Variants in WDR45B observed in about 807,000 individuals in gnomAD.
The protein encoded by WDR45B is WD repeat domain phosphoinositide-interacting protein 3.
WDR45B carries 20 observed loss-of-function variants against 44.6 expected under a neutral mutation model. The ratio of observed to expected loss-of-function variants is 0.45; its 90% CI spans 0.32 to 0.65. The LOEUF (loss-of-function observed/expected upper bound fraction) is 0.65, where lower values mean the gene tolerates loss of function less well. Ranked by LOEUF, WDR45B falls within the 30% of genes least tolerant of loss-of-function variation. The pLI is 0.05. For synonymous variants in WDR45B, 169 were observed against 164.9 expected (o/e 1.02, Z -0.19); for missense variants, 323 against 430.2 (o/e 0.75, Z 2.20).
intron 2 of WDR45B, among the ~76,000 whole-genome samples, chr17:82,640,467 C>G (rs2045899916): frequency 6.6e-6 from 1 of 151,880 alleles, no homozygotes; most frequent in Non-Finnish European, 1.5e-5. Flanking sequence ...TCTCCTGCCT[C>G]AGCCTCCCGA....
intron 5 of WDR45B, among the ~76,000 whole-genome samples, chr17:82,622,690 C>T (rs2045634962): frequency 6.6e-6 from 1 of 152,084 alleles, no homozygotes; most frequent in African/African-American, 2.4e-5. Flanking sequence ...CCTTGGCCTC[C>T]CACAGTGCTG....
Position 82,630,932 on chromosome 17 carries a change from G to A in WDR45B, c.233C>T (p.Pro78Leu). ...CACAATTACAGTACCTTTGTTGGGA[G>A]GGTATTTCGGCTTTTTTCCACCACC... ...LVGGGKKPKY[P>L]PNKVMIWDDL... The change falls in exon 3 of 10, where the codon CCT (proline) becomes CTT (leucine). Residue 78 changes from proline (P) to leucine (L), a missense_variant. Pro to Leu is a moderately conservative substitution (Grantham distance 98). Transcript: ENST00000392325. The A allele has an allele frequency of 3.1e-6, 5 of 1,612,316 alleles. No homozygotes were observed. Among genetic ancestry groups the A allele is most frequent in the Non-Finnish European group, 4.2e-6 (5 of 1,179,932 alleles).
intron 7 of WDR45B, 137 bp from the exon 8 acceptor site, chr17:82,617,534 TC>T: frequency 1.2e-6 from 1 of 830,242 alleles, no homozygotes; most frequent in East Asian, 2.7e-5. Flanking sequence ...TACTGCCCTT[TC>T]TTTAACAAGC....
chr17:82,622,098 G>A (rs1008309631), intron 5 of WDR45B, among the ~76,000 whole-genome samples: 3 of 152,018 alleles, frequency 2.0e-5, no homozygotes, highest in Admixed American at 2.0e-4. Flanking sequence ...TTTACCAACT[G>A]TCCGTCCGTC....
At chr17:82,642,761 G>C (rs2045933320) in intron 2 of WDR45B, among the ~76,000 whole-genome samples, 1 of 152,192 alleles carries the variant, frequency 6.6e-6, no homozygotes, top group Non-Finnish European at 1.5e-5. Context: ...GAAGTCTTCT[G>C]TGCTGACAAC....
Position 82,635,925 on chromosome 17 carries a change from T to C in WDR45B, c.143-4903A>G, listed in dbSNP as rs141687465. The stretch of plus-strand genomic sequence containing the variant: ...CAACATGGAAAACCCCCGTCTCTAC[T>C]AAAAATACAAAACTTGCCAGGTGTG... On this transcript the variant is annotated intron_variant, in intron 2 of 9. Coordinates refer to ENST00000392325, the MANE Select transcript of WDR45B (RefSeq NM_019613.4). Among the ~76,000 whole-genome samples the C allele has an allele frequency of 6.1e-3, 928 of 151,608 alleles. 3 individuals carry two copies. The highest frequency in any genetic ancestry group is 0.017 in the Middle Eastern group (5 of 294).
chr17:82,647,255 A>G (rs531596549), intron 1 of WDR45B, among the ~76,000 whole-genome samples: 1 of 152,372 alleles, frequency 6.6e-6, no homozygotes, highest in Admixed American at 6.5e-5. Flanking sequence ...TTGTCTTCAC[A>G]TATACGGGAT....
At chr17:82,637,522 G>C (rs2045848365) in intron 2 of WDR45B, among the ~76,000 whole-genome samples, 1 of 151,910 alleles carries the variant, frequency 6.6e-6, no homozygotes, top group African/African-American at 2.4e-5. Flanking sequence ...ACAGGTTGAA[G>C]GCTCAGTCCC....
rs1226875963 is a variant in WDR45B, at chr17:82,632,258, C to T, written c.143-1236G>A. Among the ~76,000 whole-genome samples, 4 of 151,934 alleles carry T rather than the reference C, an allele frequency of 2.6e-5. No individual in the cohort carries two copies. In the East Asian group the frequency reaches 7.7e-4, roughly 29 times the overall value. On this transcript the variant is annotated intron_variant, in intron 2 of 9. Coordinates refer to ENST00000392325, the MANE Select transcript of WDR45B (RefSeq NM_019613.4). ...CTCACTACAGCCTCAAACTCCCGGG[C>T]TCAAGGACTCCTCCTGCTTCAGCCT...
chr17:82,616,732 C>T (rs1333234496), intron 8 of WDR45B, 87 bp from the exon 9 acceptor site: 7 of 1,539,602 alleles, frequency 4.5e-6, no homozygotes, highest in South Asian at 2.3e-5. Flanking sequence ...GCTGAAAATA[C>T]GAAAATGCTC....
chr17:82,630,426 G>A (rs995005931), intron 3 of WDR45B, among the ~76,000 whole-genome samples: 3 of 151,972 alleles, frequency 2.0e-5, no homozygotes, highest in African/African-American at 4.8e-5. Context: ...CGGCTGTCAG[G>A]AAAGCTATCT....
In WDR45B at chr17:82,626,533, C is replaced by CAAAAAAAAA. The variant is rs562186058; in HGVS notation, c.332+662_332+670dup. 2.2e-3 allele frequency among the ~76,000 whole-genome samples: 177 copies of CAAAAAAAAA among 79,426 alleles called. 14 individuals carry two copies. The highest frequency in any genetic ancestry group is 0.012 in the African/African-American group (162 of 13,650). The allele number at this position is 79,426 out of a possible 152,430, so 52.1% of individuals were successfully genotyped here. On this transcript the variant is annotated intron_variant, in intron 4 of 9. Coordinates refer to ENST00000392325, the MANE Select transcript of WDR45B (RefSeq NM_019613.4). ...GGCAACAGAGCAAGACTCTATCTCC[C>CAAAAAAAAA]AAAAAAAAAAAAAAAAAAAAAAAAA...
At chr17:82,625,181 C>T (rs1244246539) in intron 5 of WDR45B, among the ~76,000 whole-genome samples, 1 of 152,092 alleles carries the variant, frequency 6.6e-6, no homozygotes, top group Non-Finnish European at 1.5e-5. Flanking sequence ...GGACAGGGGC[C>T]CCCACTCTGT....
rs369611526 is a variant in WDR45B, at chr17:82,633,035, C to G, written c.143-2013G>C. The stretch of plus-strand genomic sequence containing the variant: ...AAAATTAGCTGGCTGTGGTGGCAGG[C>G]GCCTGTAATCCCAGCTATATAGGAG... On this transcript the variant is annotated intron_variant, in intron 2 of 9. Coordinates refer to ENST00000392325, the MANE Select transcript of WDR45B (RefSeq NM_019613.4). Among the ~76,000 whole-genome samples, 13 of 151,990 alleles carry G rather than the reference C, an allele frequency of 8.6e-5. No homozygotes were observed. In the East Asian group the frequency reaches 2.5e-3, roughly 29 times the overall value.
chr17:82,642,836 A>C (rs2045934028), intron 2 of WDR45B, among the ~76,000 whole-genome samples: 1 of 152,288 alleles, frequency 6.6e-6, no homozygotes, highest in Non-Finnish European at 1.5e-5. Context: ...GCTGCTAATG[A>C]TTCAACTTGG....
chr17:82,621,993 G>A (rs2045625523), intron 5 of WDR45B, among the ~76,000 whole-genome samples, 194 bp from the exon 6 acceptor site: 1 of 152,102 alleles, frequency 6.6e-6, no homozygotes, highest in Admixed American at 6.5e-5. Context: ...CCTCGCATGA[G>A]ACCTCCTCAT....
chr17:82,624,109 C>T (rs1290738729), intron 5 of WDR45B, among the ~76,000 whole-genome samples: 4 of 152,158 alleles, frequency 2.6e-5, no homozygotes, highest in Admixed American at 2.6e-4. Context: ...GCTATGGGAA[C>T]ATGCACGACA....
intron 2 of WDR45B, among the ~76,000 whole-genome samples, chr17:82,637,282 G>A (rs990128470): frequency 4.6e-5 from 7 of 151,940 alleles, no homozygotes; most frequent in African/African-American, 1.5e-4. Flanking sequence ...AATAGGTTGC[G>A]TAGGACACAA....
intron 1 of WDR45B, among the ~76,000 whole-genome samples, chr17:82,645,751 G>A (rs535743708): frequency 6.6e-6 from 1 of 152,234 alleles, no homozygotes; most frequent in South Asian, 2.1e-4. Flanking sequence ...GCCAAAAACT[G>A]GAACGTACCC....
Sources: gnomAD v4.1 joint callset for allele counts (sites outside exome capture counted in the v4.1 genomes callset) on GRCh38, gnomAD v4.1.1 for gene constraint, MANE v1.5 for transcripts, NCBI Gene and HGNC (gene_info 2026-07-23, HGNC 2026-07-21) for gene names.